TTLL11: variants seen among roughly 807,000 people sequenced by gnomAD.
The protein encoded by TTLL11 is tubulin polyglutamylase TTLL11.
Under a neutral mutation model 51.7 loss-of-function variants are expected in TTLL11, and 42 were observed. The observed-to-expected ratio is 0.81, with a 90% CI of 0.64 to 1.05. The LOEUF is 1.05. TTLL11 is among the 50% of genes least tolerant of loss of function. The pLI is 0.00. For missense variants in TTLL11, 799 were observed against 940.4 expected, an observed-to-expected ratio of 0.85 and a Z score of 1.97; for synonymous variants, 381 against 383.5, an observed-to-expected ratio of 0.99 and a Z score of 0.08.
intron 6 of TTLL11, among the ~76,000 whole-genome samples, chr9:121,973,611 G>A (rs1221147599): frequency 6.8e-6 from 1 of 147,046 alleles, no homozygotes; most frequent in Non-Finnish European, 1.5e-5. Context: ...GGGGAGGGGG[G>A]AAGGACAGCA....
At chr9:122,012,305 A>G (rs1056228125) in intron 3 of TTLL11, among the ~76,000 whole-genome samples, 1 of 152,172 alleles carries the variant, frequency 6.6e-6, no homozygotes, top group African/African-American at 2.4e-5. Flanking sequence ...AAAGGACAAA[A>G]ATTGAAGGGT....
intron 1 of TTLL11, among the ~76,000 whole-genome samples, chr9:122,045,712 T>C (rs1844983039): frequency 6.6e-6 from 1 of 152,170 alleles, no homozygotes; most frequent in South Asian, 2.1e-4. Flanking sequence ...AATAGAAAAT[T>C]ATCCGGCCTT....
chr9:122,061,284 G>T (rs1228349539), intron 1 of TTLL11, among the ~76,000 whole-genome samples: 1 of 152,144 alleles, frequency 6.6e-6, no homozygotes, highest in Admixed American at 6.5e-5. Flanking sequence ...TCCAAATAAG[G>T]TCATATTCAC....
Position 121,871,120 on chromosome 9 carries a change from T to C in TTLL11, c.1482-372A>G, listed in dbSNP as rs187872762. 1.1e-3 allele frequency among the ~76,000 whole-genome samples: 162 copies of C among 152,330 alleles called. 2 individuals are homozygous for C. The highest frequency in any genetic ancestry group is 2.9e-4 in the Non-Finnish European group (20 of 68,022). The stretch of plus-strand genomic sequence containing the variant: ...ATAATTAAGAAATATAAAAATCTCA[T>C]TGAGGACTGGCGAGAAGCCAGAACA... On this transcript the variant is annotated intron_variant, in intron 6 of 8. Coordinates refer to ENST00000321582, the MANE Select transcript of TTLL11 (RefSeq NM_001139442.2).
At chr9:121,985,281 A>ATTGGAAT (rs1472208131) in intron 4 of TTLL11, among the ~76,000 whole-genome samples, 2 of 152,156 alleles carry the variant, frequency 1.3e-5, no homozygotes, top group Non-Finnish European at 2.9e-5. Flanking sequence ...TCTTTATCTC[A>ATTGGAAT]TTGGAATTTG....
In TTLL11 at chr9:121,860,345, C is replaced by T. The variant is rs1324066534; in HGVS notation, c.1832G>A (p.Arg611Gln). Residue 611 changes from arginine to glutamine, a missense_variant, in exon 8 of 9, where the codon CGG becomes CAG. By Grantham distance (43) the Arg-to-Gln change is conservative. This residue lies in a region of TTLL11 where 165 missense variants were observed against 166.1 expected (regional missense o/e 0.99). Transcript: ENST00000321582. ...AGGCATTTGTCAAATACCTGAGTCC[C>T]GCTGGTCCAGGGTCATGGAGTTCCA... ...RRWNSMTLDQRDSGMCLQAFV... is the reference protein window; with the variant it reads ...RRWNSMTLDQQDSGMCLQAFV... 5.8e-6 allele frequency: 9 copies of T among 1,551,110 alleles called. No individual in the cohort carries two copies. The highest frequency in any genetic ancestry group is 3.6e-5 in the South Asian group (3 of 83,896).
intron 1 of TTLL11, among the ~76,000 whole-genome samples, chr9:122,086,476 T>C (rs974302309): frequency 1.6e-4 from 24 of 152,154 alleles, no homozygotes; most frequent in Admixed American, 9.2e-4. Context: ...ATGGCGGTCA[T>C]TGAAAATAGA....
At chr9:121,839,183 T>C (rs12348138) in intron 8 of TTLL11, among the ~76,000 whole-genome samples, 9,052 of 152,262 alleles carry the variant, frequency 0.059, 747 homozygotes, top group African/African-American at 0.19. Flanking sequence ...CATCACAACG[T>C]CTAATTACAT....
In TTLL11 at chr9:121,988,093, C is replaced by T. The variant is rs182048775; in HGVS notation, c.1269+1102G>A. Among the ~76,000 whole-genome samples the T allele has an allele frequency of 2.6e-4, 39 of 152,186 alleles. No homozygotes were observed. The East Asian group carries it at 7.0e-3, about 27-fold the overall frequency. ...CCCTGCCCTCACTGCCACCATCTCTCCTCTCTCTCCAGCCTCATCCAGTCA... is the reference window on the plus strand; with the variant it reads ...CCCTGCCCTCACTGCCACCATCTCTTCTCTCTCTCCAGCCTCATCCAGTCA... On this transcript the variant is annotated intron_variant, in intron 4 of 8. Transcript: ENST00000321582.
Position 122,037,207 on chromosome 9 carries a change from G to A in TTLL11, c.559+2065C>T, listed in dbSNP as rs75437592. Among the ~76,000 whole-genome samples the A allele has an allele frequency of 5.1e-3, 778 of 152,146 alleles. 9 individuals carry two copies. The highest frequency in any genetic ancestry group is 0.016 in the African/African-American group (677 of 41,520). ...TAGGAACTCTGTCCTCATTCAAAGC[G>A]TTTTCTCTTCCAAACTGTATTCTCC... is the stretch of plus-strand genomic sequence containing the variant. On this transcript the variant is annotated intron_variant, in intron 2 of 8. Coordinates refer to ENST00000321582, the MANE Select transcript of TTLL11 (RefSeq NM_001139442.2).
At chr9:122,063,701 G>A (rs537871725) in intron 1 of TTLL11, among the ~76,000 whole-genome samples, 4 of 152,194 alleles carry the variant, frequency 2.6e-5, no homozygotes, top group Non-Finnish European at 4.4e-5. Context: ...TTAATTCACT[G>A]TTGCTCCAAT....
rs138483054 is a variant in TTLL11 at position 121,969,746 on chromosome 9, C to T, written c.1481+4263G>A. 1.1e-4 allele frequency among the ~76,000 whole-genome samples: 16 copies of T among 152,292 alleles called. 1 individual carries two copies. Among genetic ancestry groups the T allele is most frequent in the African/African-American group, 2.2e-4 (9 of 41,558 alleles). On this transcript the variant is annotated intron_variant, in intron 6 of 8. Coordinates refer to ENST00000321582, the MANE Select transcript of TTLL11 (RefSeq NM_001139442.2). ...TAGAAACCCTGGCTTCTAAAGGTAA[C>T]TTCTAGCCTGGAAGTCTACATAACA...
At chr9:122,011,361 A>G (rs998703160) in intron 3 of TTLL11, among the ~76,000 whole-genome samples, 1 of 152,204 alleles carries the variant, frequency 6.6e-6, no homozygotes, top group African/African-American at 2.4e-5. Context: ...GGAGGTAATA[A>G]GAGTATCCAT....
intron 6 of TTLL11, among the ~76,000 whole-genome samples, chr9:121,964,188 C>T (rs1032382988): frequency 5.3e-5 from 8 of 151,618 alleles, no homozygotes; most frequent in South Asian, 2.1e-4. Flanking sequence ...AAAAAGGTTT[C>T]GAATACTGTG....
At chr9:121,844,947 A>T (rs1451816482) in intron 8 of TTLL11, among the ~76,000 whole-genome samples, 1 of 152,174 alleles carries the variant, frequency 6.6e-6, no homozygotes, top group Non-Finnish European at 1.5e-5. Context: ...CAGAAGATAG[A>T]TTTGAAGCCG....
intron 7 of TTLL11, among the ~76,000 whole-genome samples, chr9:121,868,942 TC>T (rs975881462): frequency 3.9e-5 from 6 of 152,344 alleles, no homozygotes; most frequent in African/African-American, 1.2e-4. Context: ...TGATATATTA[TC>T]CCAACCTCAT....
intron 6 of TTLL11, among the ~76,000 whole-genome samples, chr9:121,871,483 ACTC>A (rs1280115307): frequency 6.6e-6 from 1 of 151,668 alleles, no homozygotes; most frequent in East Asian, 1.9e-4. Context: ...ATAAATGCCG[ACTC>A]CTCCTCAGCT....
chr9:122,074,759 A>C (rs896764730), intron 1 of TTLL11, among the ~76,000 whole-genome samples: 6 of 150,064 alleles, frequency 4.0e-5, no homozygotes, highest in Non-Finnish European at 8.9e-5. Flanking sequence ...AAAATAGCTG[A>C]GTGGGTTGGC....
intron 6 of TTLL11, among the ~76,000 whole-genome samples, chr9:121,875,649 A>G (rs1564283789): frequency 6.6e-6 from 1 of 152,226 alleles, no homozygotes; most frequent in Non-Finnish European, 1.5e-5. Context: ...TTTGCTGGAG[A>G]TAATTCCAAT....
Sources: gnomAD v4.1 joint callset for allele counts (sites outside exome capture counted in the v4.1 genomes callset) on GRCh38, gnomAD v4.1.1 for gene constraint, gnomAD v4.1.1 regional missense constraint, MANE v1.5 for transcripts, NCBI Gene and HGNC (gene_info 2026-07-23, HGNC 2026-07-21) for gene names.